EPB41: variants seen among roughly 807,000 people sequenced by gnomAD.
The protein encoded by EPB41 is erythrocyte membrane protein band 4.1.
In EPB41, 65 loss-of-function variants were observed where a neutral mutation model predicts 108.0. That is an observed-to-expected ratio of 0.60 (90% confidence interval 0.49 to 0.74). The LOEUF (loss-of-function observed/expected upper bound fraction) is 0.74, where lower values mean the gene tolerates loss of function less well. Ranked by LOEUF, EPB41 falls within the 30% of genes least tolerant of loss-of-function variation. The pLI, the probability that EPB41 is intolerant of heterozygous loss-of-function variation, is 0.00. For synonymous variants in EPB41, 336 were observed against 358.9 expected (o/e 0.94, Z 0.72); for missense variants, 875 against 1,037.0 (o/e 0.84, Z 2.15).
At chr1:28,964,634 A>G (rs916768353) in intron 1 of EPB41, among the ~76,000 whole-genome samples, 1 of 152,096 alleles carries the variant, frequency 6.6e-6, no homozygotes, top group Non-Finnish European at 1.5e-5. Context: ...AATAAAATAA[A>G]TAAATAAATA....
At chr1:29,017,893 A>G (rs1216149657) in intron 6 of EPB41, among the ~76,000 whole-genome samples, 1 of 152,196 alleles carries the variant, frequency 6.6e-6, no homozygotes, top group Non-Finnish European at 1.5e-5. Context: ...TACTTAGTAT[A>G]CTTAAAAAAA....
At chr1:29,015,293 C>T (rs1272766045) in intron 5 of EPB41, among the ~76,000 whole-genome samples, 1 of 150,136 alleles carries the variant, frequency 6.7e-6, no homozygotes, top group African/African-American at 2.4e-5. Flanking sequence ...CGTGGTGGCT[C>T]ATGCCTGTAA....
intron 11 of EPB41, among the ~76,000 whole-genome samples, chr1:29,039,916 T>C (rs1023257631): frequency 6.6e-6 from 1 of 152,206 alleles, no homozygotes; most frequent in East Asian, 1.9e-4. Context: ...CCGAGAGTAG[T>C]GACTAGATCA....
intron 16 of EPB41, chr1:29,096,742 T>G: frequency 3.8e-6 from 1 of 264,156 alleles, no homozygotes; most frequent in Non-Finnish European, 5.9e-6. Context: ...CTAAAAGCCT[T>G]TGATTGTGCC....
intron 12 of EPB41, among the ~76,000 whole-genome samples, chr1:29,056,792 C>T (rs914216712): frequency 6.6e-6 from 1 of 152,086 alleles, no homozygotes; most frequent in Non-Finnish European, 1.5e-5. Context: ...TCCCAAAGTG[C>T]TGAGATTACA....
chr1:29,005,733 TGAA>T (rs749610639), intron 4 of EPB41, among the ~76,000 whole-genome samples: 6 of 152,174 alleles, frequency 3.9e-5, no homozygotes, highest in Non-Finnish European at 8.8e-5. Flanking sequence ...ATCTTCCAGA[TGAA>T]GAAGGAGGGA....
intron 9 of EPB41, among the ~76,000 whole-genome samples, chr1:29,034,042 C>T (rs1304404948): frequency 6.6e-6 from 1 of 152,128 alleles, no homozygotes; most frequent in Non-Finnish European, 1.5e-5. Flanking sequence ...ATATCACCAT[C>T]TGCTGGTGAA....
chr1:28,914,296 C>A (rs868028458), upstream of EPB41, among the ~76,000 whole-genome samples: 1 of 152,250 alleles, frequency 6.6e-6, no homozygotes. Context: ...CGGCTCCAGA[C>A]CGGGTTCGAC....
intron 16 of EPB41, among the ~76,000 whole-genome samples, chr1:29,089,173 T>C (rs1250658902): frequency 1.3e-5 from 2 of 152,240 alleles, no homozygotes; most frequent in Admixed American, 6.5e-5. Context: ...GCACAGCACC[T>C]GGCACATGGT....
At chr1:28,997,106 C>G in intron 3 of EPB41, 109 bp from the exon 4 acceptor site, 1 of 808,520 alleles carries the variant, frequency 1.2e-6, no homozygotes, top group Admixed American at 1.9e-5. Flanking sequence ...GAGCTATGAT[C>G]AGGCCACTGT....
At chr1:28,977,316 A>G (rs1461492948) in intron 1 of EPB41, among the ~76,000 whole-genome samples, 2 of 152,018 alleles carry the variant, frequency 1.3e-5, no homozygotes, top group Non-Finnish European at 2.9e-5. Flanking sequence ...TTAATGGAGC[A>G]CTGACTCAAT....
chr1:28,963,399 C>T (rs560460745), intron 1 of EPB41, among the ~76,000 whole-genome samples: 4 of 148,218 alleles, frequency 2.7e-5, no homozygotes, highest in African/African-American at 1.0e-4. Context: ...GTGATTTTAG[C>T]CTTGTATGAC....
rs963495881 is a variant in EPB41, at chr1:29,065,420, C to G, written c.2184+262C>G. On this transcript the variant is annotated intron_variant, in intron 16 of 20. Transcript: ENST00000343067. ...GAACTGTCTCTGCAGCTACATGCTT[C>G]TGGCTAATGTATGTTTATAAACTGA... 3.3e-5 allele frequency: 13 copies of G among 389,642 alleles called. No individual in the cohort carries two copies. The Admixed American group carries it at 3.4e-4, about 10-fold the overall frequency. 24.1% of individuals were successfully genotyped at this position (389,642 alleles called of 1,614,324 possible).
chr1:28,961,942 T>C (rs1258146236), intron 1 of EPB41, among the ~76,000 whole-genome samples: 2 of 152,160 alleles, frequency 1.3e-5, no homozygotes, highest in African/African-American at 2.4e-5. Flanking sequence ...AATAGTAATT[T>C]TAGTGTATTT....
intron 1 of EPB41, among the ~76,000 whole-genome samples, chr1:28,949,279 A>G (rs1180552498): frequency 1.3e-5 from 2 of 152,292 alleles, no homozygotes; most frequent in East Asian, 3.9e-4. Flanking sequence ...TCACATCTCC[A>G]CAAAAAATTT....
At chr1:28,914,127 G>C (rs547872187), upstream of EPB41, among the ~76,000 whole-genome samples, 33 of 152,204 alleles carry the variant, frequency 2.2e-4, no homozygotes, top group Non-Finnish European at 3.5e-4. Flanking sequence ...AGCGTTTAGG[G>C]GGAGTCAGTT....
At chr1:29,004,703 G>A (rs1365930256) in intron 4 of EPB41, among the ~76,000 whole-genome samples, 1 of 152,072 alleles carries the variant, frequency 6.6e-6, no homozygotes, top group African/African-American at 2.4e-5. Flanking sequence ...GTGGTTTTTT[G>A]GGGTTTTGTT....
At chr1:28,964,631 T>TAAATAAATA (rs2095315662) in intron 1 of EPB41, among the ~76,000 whole-genome samples, 3 of 149,890 alleles carry the variant, frequency 2.0e-5, no homozygotes, top group Admixed American at 1.3e-4. Flanking sequence ...ATAAATAAAA[T>TAAATAAATA]AAATAAATAA....
intron 1 of EPB41, among the ~76,000 whole-genome samples, chr1:28,940,838 T>C (rs1253785368): frequency 1.3e-5 from 2 of 152,172 alleles, no homozygotes; most frequent in African/African-American, 2.4e-5. Flanking sequence ...TGACATGTTA[T>C]ATGCCAGGAA....
Sources: allele counts gnomAD v4.1 joint callset (sites outside exome capture counted in the v4.1 genomes callset), GRCh38; gene constraint gnomAD v4.1.1; transcripts MANE v1.5; gene names NCBI Gene and HGNC (gene_info 2026-07-23, HGNC 2026-07-21).